Variants in SMCHD1 observed in about 807,000 individuals in gnomAD.
SMCHD1 encodes structural maintenance of chromosomes flexible hinge domain-containing protein 1.
SMCHD1 carries 78 observed loss-of-function variants against 254.7 expected under a neutral mutation model. The ratio of observed to expected loss-of-function variants is 0.31; its 90% CI spans 0.26 to 0.37. SMCHD1 has a LOEUF of 0.37. Ranked by LOEUF, SMCHD1 falls within the 10% of genes least tolerant of loss-of-function variation. The probability of loss-of-function intolerance (pLI) is 1.00; values close to 1 mark genes in which losing one functional copy is unlikely to be tolerated. For synonymous variants in SMCHD1, 766 were observed against 794.9 expected, an observed-to-expected ratio of 0.96 and a Z score of 0.61; for missense variants, 1,840 against 2,408.1, an observed-to-expected ratio of 0.76 and a Z score of 4.94.
In SMCHD1 at chr18:2,751,227, A is replaced by G. The variant is rs2075564849; in HGVS notation, c.4166-51A>G. On this transcript the variant is annotated intron_variant, in intron 32 of 47. Transcript: ENST00000320876. ...TTAAGGCATACAATTATTTAACCAT[A>G]TCCATTAATTGAACTAGAAAGAGAT... is the stretch of plus-strand genomic sequence containing the variant. 3 of 956,854 alleles carry G rather than the reference A, an allele frequency of 3.1e-6. No homozygotes were observed. The East Asian group carries it at 7.9e-5, about 25-fold the overall frequency. 59.3% of individuals were successfully genotyped at this position (956,854 alleles called of 1,614,324 possible).
intron 17 of SMCHD1, among the ~76,000 whole-genome samples, chr18:2,714,657 C>T (rs2143332917): frequency 6.6e-6 from 1 of 151,680 alleles, no homozygotes; most frequent in East Asian, 1.9e-4. Context: ...GAATTTTATA[C>T]TCTCATGTGT....
At chr18:2,760,869 G>A in intron 35 of SMCHD1, 130 bp downstream of exon 35, 1 of 528,146 alleles carries the variant, frequency 1.9e-6, no homozygotes, top group Non-Finnish European at 3.4e-6. Context: ...TTGTTTAAAA[G>A]TGAAGTAATT....
rs1378816673 is a variant in SMCHD1, at chr18:2,750,062, A to T, written c.3947A>T (p.Gln1316Leu). The change falls in exon 31 of 48, where the codon CAG (glutamine) becomes CTG (leucine). Residue 1316 changes from glutamine to leucine, a missense_variant. Around this residue, in one of 9 missense-constraint regions of SMCHD1, gnomAD observed 881 missense variants for 1,009.5 expected, o/e 0.87. Transcript: ENST00000320876. ...SNLKLMPSNQ[Q>L]HKTDEKGRAN... The stretch of plus-strand genomic sequence containing the variant: ...TTTTAGCTCATGCCTTCAAACCAAC[A>T]GCATAAAACAGATGAGAAAGGCAGG... 6.4e-7 allele frequency: 1 copy of T among 1,569,678 alleles called. No homozygotes were observed. Among genetic ancestry groups the T allele is most frequent in the East Asian group, 2.3e-5 (1 of 43,336 alleles).
At chr18:2,759,696 A>C (rs2075753727) in intron 34 of SMCHD1, among the ~76,000 whole-genome samples, 1 of 149,572 alleles carries the variant, frequency 6.7e-6, no homozygotes, top group African/African-American at 2.5e-5. Context: ...CAGCCTCCTG[A>C]ATAGCGGGGA....
At chr18:2,666,344 A>G (rs1458262615) in intron 2 of SMCHD1, 112 bp downstream of exon 2, 7 of 554,974 alleles carry the variant, frequency 1.3e-5, no homozygotes, top group South Asian at 2.7e-5. Context: ...ACTTTTGTTA[A>G]TTTGTTGGGA....
Position 2,752,555 on chromosome 18 carries a change from A to G in SMCHD1, c.4346+3A>G. ...GAAGATGGCTGCTTCTATTTCAGGT[A>G]TTTCTCAAAACATTTCATATTTTGA... On this transcript the variant is annotated splice_donor_region_variant and intron_variant, in intron 34 of 47. Coordinates refer to ENST00000320876, the MANE Select transcript of SMCHD1 (RefSeq NM_015295.3). The G allele has an allele frequency of 6.5e-7, 1 of 1,538,346 alleles. No homozygotes were observed. Among genetic ancestry groups the G allele is most frequent in the Non-Finnish European group, 9.0e-7 (1 of 1,112,274 alleles).
At position 2,751,280 on chromosome 18, in the gene SMCHD1, T is replaced by G; in HGVS notation, c.4168T>G (p.Phe1390Val). 6.5e-7 allele frequency: 1 copy of G among 1,526,842 alleles called. No homozygotes were observed. The highest frequency in any genetic ancestry group is 8.9e-7 in the Non-Finnish European group (1 of 1,121,908). 94.6% of individuals were successfully genotyped at this position (1,526,842 alleles called of 1,614,324 possible). A position where few individuals can be genotyped will look rare whatever the true frequency, so the allele number is the denominator to read the frequency against. Residue 1390 changes from phenylalanine (F) to valine (V), a missense_variant and splice_region_variant, in exon 33 of 48, where the codon TTT (phenylalanine) becomes GTT (valine). Phe to Val is a conservative substitution (Grantham distance 50, BLOSUM62 -1). Around this residue, in one of 9 missense-constraint regions of SMCHD1, gnomAD observed 881 missense variants for 1,009.5 expected, o/e 0.87. Transcript: ENST00000320876. ...TTTTTTAACGTTTACCATGACAGAT[T>G]TTATGATTAGTGTTATTTCTGAAGA... ...SFLAGGLFTDFMISVISEDDS... is the reference protein window; with the variant it reads ...SFLAGGLFTDVMISVISEDDS...
chr18:2,787,096 A>C (rs887547573), intron 45 of SMCHD1, among the ~76,000 whole-genome samples: 1 of 152,192 alleles, frequency 6.6e-6, no homozygotes, highest in Non-Finnish European at 1.5e-5. Context: ...AAGATTGGGC[A>C]TCTGCATCTG....
Position 2,726,367 on chromosome 18 carries a change from C to G in SMCHD1, c.2701-85C>G, listed in dbSNP as rs16943716. The G allele has an allele frequency of 0.23, 160,634 of 697,702 alleles. 19,610 individuals are homozygous for G. Among genetic ancestry groups the G allele is most frequent in the South Asian group, 0.33 (14,754 of 45,234 alleles). The allele number at this position is 697,702 out of a possible 1,614,324, so 43.2% of individuals were successfully genotyped here. ...TTCTACAATGGTATGAAAATAAAAC[C>G]AAAATATAAATCAGAATTGATGTGA... On this transcript the variant is annotated intron_variant, in intron 21 of 47. Transcript: ENST00000320876.
chr18:2,696,454 T>C (rs1044693615), intron 8 of SMCHD1, among the ~76,000 whole-genome samples: 1 of 152,208 alleles, frequency 6.6e-6, no homozygotes, highest in Non-Finnish European at 1.5e-5. Flanking sequence ...GTGCTCCTTA[T>C]GAGACTCTAG....
chr18:2,739,303 TATTTG>T (rs2075305627), intron 26 of SMCHD1, 124 bp from the exon 27 acceptor site: 1 of 678,404 alleles, frequency 1.5e-6, no homozygotes, highest in African/African-American at 1.9e-5. Context: ...ATTAAACAGT[TATTTG>T]AAGGAGTGTT....
At chr18:2,754,940 T>C (rs2075645615) in intron 34 of SMCHD1, among the ~76,000 whole-genome samples, 1 of 152,040 alleles carries the variant, frequency 6.6e-6, no homozygotes, top group Non-Finnish European at 1.5e-5. Flanking sequence ...GTAAATGATA[T>C]CTCCTAAAAC....
Position 2,753,765 on chromosome 18 carries a change from T to C in SMCHD1, c.4346+1213T>C, listed in dbSNP as rs1401878146. On this transcript the variant is annotated intron_variant, in intron 34 of 47. Coordinates refer to ENST00000320876, the MANE Select transcript of SMCHD1 (RefSeq NM_015295.3). ...GAGACTGGGTTTCACCAAGTTGCTC[T>C]GGCTAGTCTCGAACTCCTGAGCTCA... Among the ~76,000 whole-genome samples the C allele has an allele frequency of 3.3e-5, 5 of 152,206 alleles. No homozygotes were observed. The East Asian group carries it at 9.7e-4, about 29-fold the overall frequency.
intron 12 of SMCHD1, chr18:2,702,442 A>G (rs910614825): frequency 6.6e-6 from 1 of 152,172 alleles, no homozygotes; most frequent in Non-Finnish European, 1.5e-5. Flanking sequence ...AGTGTCTGGA[A>G]TTAATGCATT....
At position 2,751,263 on chromosome 18, in the gene SMCHD1, C is replaced by T. The variant is rs753246346; in HGVS notation, c.4166-15C>T. On this transcript the variant is annotated splice_polypyrimidine_tract_variant and intron_variant, in intron 32 of 47. Transcript: ENST00000320876. ...GAACTAGAAAGAGATAATTTTTTAA[C>T]GTTTACCATGACAGATTTTATGATT... 4.6e-5 allele frequency: 65 copies of T among 1,417,982 alleles called. No homozygotes were observed. Among genetic ancestry groups the T allele is most frequent in the Non-Finnish European group, 6.0e-5 (61 of 1,024,358 alleles). The allele number at this position is 1,417,982 out of a possible 1,614,324, so 87.8% of individuals were successfully genotyped here.
intron 5 of SMCHD1, among the ~76,000 whole-genome samples, chr18:2,677,586 C>T (rs1231403036): frequency 1.3e-5 from 2 of 152,160 alleles, no homozygotes; most frequent in South Asian, 2.1e-4. Context: ...GTGGTTGTCA[C>T]TTTCTATCTC....
intron 17 of SMCHD1, among the ~76,000 whole-genome samples, chr18:2,708,133 T>C (rs747408997): frequency 6.6e-6 from 1 of 152,180 alleles, no homozygotes; most frequent in East Asian, 1.9e-4. Context: ...AATTTTTTCA[T>C]GTGGGTAACT....
chr18:2,667,047 A>T lies in SMCHD1; in HGVS notation c.424+16A>T, dbSNP rs768735107. On this transcript the variant is annotated intron_variant, in intron 3 of 47. Coordinates refer to ENST00000320876, the MANE Select transcript of SMCHD1 (RefSeq NM_015295.3). ...AATCCTTTGCGTAAGTATCCCATTC[A>T]TACTAATTTTGATAAATTATTACCT... is the stretch of plus-strand genomic sequence containing the variant. 1.3e-6 allele frequency: 2 copies of T among 1,536,792 alleles called. No homozygotes were observed. Among genetic ancestry groups the T allele is most frequent in the South Asian group, 2.4e-5 (2 of 83,602 alleles).
chr18:2,711,728 C>T (rs1316181955), intron 17 of SMCHD1, among the ~76,000 whole-genome samples: 6 of 151,824 alleles, frequency 4.0e-5, no homozygotes, highest in African/African-American at 1.4e-4. Flanking sequence ...GTGATCCGCC[C>T]GCCTCGGCCT....
Sources: gnomAD v4.1 joint callset for allele counts (sites outside exome capture counted in the v4.1 genomes callset) on GRCh38, gnomAD v4.1.1 for gene constraint, gnomAD v4.1.1 regional missense constraint, MANE v1.5 for transcripts, NCBI Gene and HGNC (gene_info 2026-07-23, HGNC 2026-07-21) for gene names.